Variants in SDK1 observed in about 807,000 individuals in gnomAD.
The protein encoded by SDK1 is sidekick cell adhesion molecule 1.
A neutral mutation model predicts 245.5 loss-of-function variants in SDK1; 157 were observed. The observed-to-expected ratio is 0.64, with a 90% CI of 0.56 to 0.73. The LOEUF (loss-of-function observed/expected upper bound fraction) is 0.73, where lower values mean the gene tolerates loss of function less well. SDK1 is among the 30% of genes least tolerant of loss of function. The pLI is 0.00. For missense variants in SDK1, 3,583 were observed against 3,002.3 expected, an observed-to-expected ratio of 1.19 and a Z score of -4.52; for synonymous variants, 1,647 against 1,278.5, an observed-to-expected ratio of 1.29 and a Z score of -6.15.
chr7:3,752,984 C>T (rs1034528788), intron 4 of SDK1, among the ~76,000 whole-genome samples: 1 of 152,186 alleles, frequency 6.6e-6, no homozygotes, highest in Admixed American at 6.5e-5. Flanking sequence ...ATTGCTATTT[C>T]TCCACCCTGA....
intron 4 of SDK1, among the ~76,000 whole-genome samples, chr7:3,714,829 G>A (rs1020530068): frequency 6.6e-6 from 1 of 152,166 alleles, no homozygotes; most frequent in Non-Finnish European, 1.5e-5. Flanking sequence ...GTGTGTAAGT[G>A]TCAAGCTTGG....
intron 23 of SDK1, among the ~76,000 whole-genome samples, chr7:4,112,009 T>C (rs994929313): frequency 6.6e-6 from 1 of 152,132 alleles, no homozygotes; most frequent in Non-Finnish European, 1.5e-5. Flanking sequence ...TGTGAGCGGA[T>C]AGAGGCCTCA....
chr7:3,609,962 A>C (rs1328451201), intron 1 of SDK1, among the ~76,000 whole-genome samples: 1 of 152,084 alleles, frequency 6.6e-6, no homozygotes, highest in Non-Finnish European at 1.5e-5. Flanking sequence ...CAGCCTCCCA[A>C]AGTGCTGGGA....
chr7:3,340,766 C>CAAAA lies in SDK1; in HGVS notation c.298+38895_298+38898dup, dbSNP rs56932562. On this transcript the variant is annotated intron_variant, in intron 1 of 44. Transcript: ENST00000404826. ...TGGGAAACAGAGCAAGACCCCGTCT[C>CAAAA]AAAAAAAAAAAAAAAATCATCTATG... is the stretch of plus-strand genomic sequence containing the variant. 6.5e-3 allele frequency among the ~76,000 whole-genome samples: 812 copies of CAAAA among 125,326 alleles called. 5 individuals carry two copies. The highest frequency in any genetic ancestry group is 0.023 in the East Asian group (97 of 4,198). The allele number at this position is 125,326 out of a possible 152,430, so 82.2% of individuals were successfully genotyped here.
chr7:3,349,108 C>T (rs902410283), intron 1 of SDK1, among the ~76,000 whole-genome samples: 2 of 152,070 alleles, frequency 1.3e-5, no homozygotes, highest in African/African-American at 2.4e-5. Flanking sequence ...CATTTCCCTT[C>T]TGGATTCTTG....
At chr7:3,471,348 G>C (rs917033833) in intron 1 of SDK1, among the ~76,000 whole-genome samples, 1 of 152,160 alleles carries the variant, frequency 6.6e-6, no homozygotes, top group Non-Finnish European at 1.5e-5. Flanking sequence ...GTGATTGTCA[G>C]TAAGTGGTAT....
chr7:3,377,510 C>T (rs1583767624), intron 1 of SDK1, among the ~76,000 whole-genome samples: 1 of 152,220 alleles, frequency 6.6e-6, no homozygotes, highest in South Asian at 2.1e-4. Context: ...CTATCATAAG[C>T]AGTACTTGGT....
rs560804049 is a variant in SDK1 at position 4,198,332 on chromosome 7, G to C, written c.5099-7547G>C. Reference sequence around the variant, plus strand: ...CTGACAGCTGTAGGGTTAAAGGATGGGGACAAAGTCACAAGGGTGTTGGCT... The same window carrying C: ...CTGACAGCTGTAGGGTTAAAGGATGCGGACAAAGTCACAAGGGTGTTGGCT... On this transcript the variant is annotated intron_variant, in intron 35 of 44. Transcript: ENST00000404826. 6.0e-4 allele frequency among the ~76,000 whole-genome samples: 92 copies of C among 152,338 alleles called. 1 individual carries two copies. The highest frequency in any genetic ancestry group is 2.2e-3 in the African/African-American group (90 of 41,572).
chr7:3,466,764 C>A (rs765520424), intron 1 of SDK1, among the ~76,000 whole-genome samples: 33 of 151,420 alleles, frequency 2.2e-4, no homozygotes, highest in Middle Eastern at 3.4e-3. Flanking sequence ...CAAAGTATCT[C>A]CCCCCACCCC....
intron 13 of SDK1, among the ~76,000 whole-genome samples, chr7:3,986,417 C>T (rs1362869792): frequency 6.6e-6 from 1 of 152,174 alleles, no homozygotes; most frequent in Non-Finnish European, 1.5e-5. Context: ...TCTAAGAATA[C>T]ATGCAGGCAT....
At chr7:4,061,573 G>A (rs375442068) in intron 19 of SDK1, among the ~76,000 whole-genome samples, 1 of 152,138 alleles carries the variant, frequency 6.6e-6, no homozygotes, top group African/African-American at 2.4e-5. Context: ...AGTCAGTGTG[G>A]CGATTCCTCA....
At chr7:3,834,383 A>C (rs966192558) in intron 5 of SDK1, among the ~76,000 whole-genome samples, 2 of 152,372 alleles carry the variant, frequency 1.3e-5, no homozygotes, top group African/African-American at 4.8e-5. Flanking sequence ...ACAGGAACAC[A>C]GTGTGTTAAA....
In SDK1 at chr7:3,588,686, A is replaced by G. The variant is rs191917459; in HGVS notation, c.299-30394A>G. Among the ~76,000 whole-genome samples the G allele has an allele frequency of 2.9e-3, 442 of 152,328 alleles. 1 individual carries two copies. Among genetic ancestry groups the G allele is most frequent in the Non-Finnish European group, 4.9e-3 (335 of 68,036 alleles). On this transcript the variant is annotated intron_variant, in intron 1 of 44. Coordinates refer to ENST00000404826, the MANE Select transcript of SDK1 (RefSeq NM_152744.4). ...CACCTCACTGATGGAATTATTTTAA[A>G]TTGAGCAGGTTTTATCAACATCTGT...
At chr7:3,717,185 A>G (rs1163784227) in intron 4 of SDK1, among the ~76,000 whole-genome samples, 1 of 152,234 alleles carries the variant, frequency 6.6e-6, no homozygotes, top group Non-Finnish European at 1.5e-5. Flanking sequence ...ATTGACCGAA[A>G]TAGACCATAT....
chr7:3,741,159 T>A (rs2115052388), intron 4 of SDK1, among the ~76,000 whole-genome samples: 1 of 152,360 alleles, frequency 6.6e-6, no homozygotes, highest in African/African-American at 2.4e-5. Context: ...CTGAGCACTC[T>A]CTGAAGTGCT....
Position 3,726,952 on chromosome 7 carries a change from C to T in SDK1, c.713+84847C>T, listed in dbSNP as rs575520034. The stretch of plus-strand genomic sequence containing the variant: ...TGCTAGATAGATTGGAAAGAAACAC[C>T]ATTTATTGCATACTAATCAAACTGT... On this transcript the variant is annotated intron_variant, in intron 4 of 44. Coordinates refer to ENST00000404826, the MANE Select transcript of SDK1 (RefSeq NM_152744.4). Among the ~76,000 whole-genome samples, 37 of 152,310 alleles carry T rather than the reference C, an allele frequency of 2.4e-4. No individual in the cohort carries two copies. The South Asian group carries it at 7.3e-3, about 30-fold the overall frequency.
At chr7:3,905,616 C>G (rs1170077911) in intron 5 of SDK1, among the ~76,000 whole-genome samples, 1 of 151,932 alleles carries the variant, frequency 6.6e-6, no homozygotes, top group Non-Finnish European at 1.5e-5. Flanking sequence ...GAATCATGTC[C>G]TTTATCAATT....
intron 1 of SDK1, chr7:3,302,525 G>C (rs185996239): frequency 6.6e-6 from 1 of 151,882 alleles, no homozygotes; most frequent in Admixed American, 6.6e-5. Flanking sequence ...AGGGAAAGAG[G>C]ATCTGCTGAA....
intron 5 of SDK1, among the ~76,000 whole-genome samples, chr7:3,908,639 C>T (rs914331803): frequency 1.3e-5 from 2 of 152,174 alleles, no homozygotes; most frequent in African/African-American, 2.4e-5. Flanking sequence ...CCTCTTCTCA[C>T]ACCTAAGCCT....
Sources: gnomAD v4.1 joint callset for allele counts (sites outside exome capture counted in the v4.1 genomes callset) on GRCh38, gnomAD v4.1.1 for gene constraint, MANE v1.5 for transcripts, NCBI Gene and HGNC (gene_info 2026-07-23, HGNC 2026-07-21) for gene names.